The following ADGRV1 variants were observed in gnomAD, a reference collection of about 807,000 sequenced individuals.
ADGRV1 encodes G-protein coupled receptor 98.
In ADGRV1, 359 loss-of-function variants were observed where a neutral mutation model predicts 596.2. The ratio of observed to expected loss-of-function variants is 0.60; its 90% CI spans 0.55 to 0.66. The LOEUF (loss-of-function observed/expected upper bound fraction) is 0.66, where lower values mean the gene tolerates loss of function less well. ADGRV1 is among the 30% of genes least tolerant of loss of function. The pLI is 0.00. For synonymous variants in ADGRV1, 2,681 were observed against 2,679.2 expected (o/e 1.00, Z -0.02); for missense variants, 7,274 against 7,575.6 (o/e 0.96, Z 1.48).
chr5:90,791,214 A>G lies in ADGRV1; in HGVS notation c.14385A>G (p.Gly4795=). The G allele has an allele frequency of 6.2e-7, 1 of 1,613,876 alleles. No homozygotes were observed. The highest frequency in any genetic ancestry group is 8.5e-7 in the Non-Finnish European group (1 of 1,179,872). ...TAACCCGGCTTGCTGGAACATTTGGAGATGTGGCTGTTGGGCTTCGAATAT... is the reference window on the plus strand; with the variant it reads ...TAACCCGGCTTGCTGGAACATTTGGGGATGTGGCTGTTGGGCTTCGAATAT... ...INITRLAGTF[G]DVAVGLRISS... Residue 4795 remains glycine (G), a synonymous_variant, in exon 70 of 90, where the codon GGA becomes GGG. Transcript: ENST00000405460.
intron 83 of ADGRV1, among the ~76,000 whole-genome samples, chr5:90,878,051 A>C (rs896288165): frequency 1.3e-5 from 2 of 152,198 alleles, no homozygotes; most frequent in Non-Finnish European, 2.9e-5. Flanking sequence ...ATGCCACAGG[A>C]AAATATTTGT....
chr5:91,151,037 T>C (rs1796008537), intron 88 of ADGRV1, among the ~76,000 whole-genome samples: 1 of 152,200 alleles, frequency 6.6e-6, no homozygotes. Flanking sequence ...TTGCCCTCTT[T>C]ATATTAAGGA....
intron 76 of ADGRV1, among the ~76,000 whole-genome samples, chr5:90,828,339 A>AT (rs547736616): frequency 6.6e-6 from 1 of 151,758 alleles, no homozygotes. Context: ...TTGAAGATCC[A>AT]TTTTTTTCCC....
intron 85 of ADGRV1, among the ~76,000 whole-genome samples, chr5:90,997,149 A>T (rs1240632914): frequency 2.0e-5 from 3 of 152,112 alleles, no homozygotes; most frequent in Non-Finnish European, 4.4e-5. Context: ...TGAGGACATG[A>T]GATTTGGGAG....
intron 81 of ADGRV1, among the ~76,000 whole-genome samples, chr5:90,855,301 A>G (rs1217653093): frequency 3.3e-5 from 5 of 152,214 alleles, no homozygotes; most frequent in Admixed American, 1.3e-4. Context: ...AGATAACCAT[A>G]CAAGTAATTT....
intron 31 of ADGRV1, 194 bp downstream of exon 31, chr5:90,691,235 C>T (rs1746428431): frequency 5.5e-6 from 4 of 723,946 alleles, no homozygotes; most frequent in South Asian, 3.0e-5. Context: ...AGATTGTATA[C>T]ATATGCCAGT....
chr5:91,056,012 G>C (rs1038341790), intron 85 of ADGRV1, among the ~76,000 whole-genome samples: 3 of 152,206 alleles, frequency 2.0e-5, no homozygotes, highest in Non-Finnish European at 2.9e-5. Flanking sequence ...GGTTGTGGAA[G>C]CATTTTCCCT....
At chr5:90,959,782 G>C (rs949394294) in intron 83 of ADGRV1, among the ~76,000 whole-genome samples, 2 of 152,118 alleles carry the variant, frequency 1.3e-5, no homozygotes, top group Non-Finnish European at 1.5e-5. Context: ...AAACAAACTA[G>C]ACACAAAAGA....
intron 20 of ADGRV1, among the ~76,000 whole-genome samples, chr5:90,657,584 A>G (rs899140827): frequency 1.3e-5 from 2 of 152,168 alleles, no homozygotes; most frequent in Non-Finnish European, 2.9e-5. Flanking sequence ...GTGTGTATGT[A>G]TGTGTGTGTA....
intron 56 of ADGRV1, 146 bp downstream of exon 56, chr5:90,756,776 T>C: frequency 1.3e-6 from 1 of 796,178 alleles, no homozygotes; most frequent in South Asian, 2.1e-5. Context: ...TAGGTCTCTT[T>C]GGGCTAGACC....
intron 85 of ADGRV1, among the ~76,000 whole-genome samples, chr5:91,008,505 T>A (rs920113273): frequency 6.6e-6 from 1 of 152,132 alleles, no homozygotes; most frequent in African/African-American, 2.4e-5. Context: ...TAATTTTATT[T>A]ATTTTTTTAT....
In ADGRV1 at chr5:90,789,750, A is replaced by T; in HGVS notation, c.13942A>T (p.Thr4648Ser). The T allele has an allele frequency of 6.4e-7, 1 of 1,559,710 alleles. No individual in the cohort carries two copies. Among genetic ancestry groups the T allele is most frequent in the Non-Finnish European group, 8.7e-7 (1 of 1,149,582 alleles). ...TGGAGTTGTTCAGTTTGCTCCTGAA[A>T]CTTTGTCTAAGAAGACTTATTCAGA... The part of the protein sequence containing the change: ...PNGVVQFAPE[T>S]LSKKTYSEPL... The change falls in exon 69 of 90, where the codon ACT becomes TCT. Residue 4648 changes from threonine (T) to serine (S), a missense_variant. By Grantham distance (58) the Thr-to-Ser change is moderately conservative. Around this residue, in one of 5 missense-constraint regions of ADGRV1, gnomAD observed 3,643 missense variants for 3,809.2 expected, o/e 0.96. Coordinates refer to ENST00000405460, the MANE Select transcript of ADGRV1 (RefSeq NM_032119.4).
chr5:90,832,355 A>G lies in ADGRV1; in HGVS notation c.16611+3169A>G, dbSNP rs563008850. On this transcript the variant is annotated intron_variant, in intron 77 of 89. Coordinates refer to ENST00000405460, the MANE Select transcript of ADGRV1 (RefSeq NM_032119.4). ...ATTTGCATTTCTTTCATGATTAGTG[A>G]TGTTGAGCACCTTTTCTTATCCCTA... is the stretch of plus-strand genomic sequence containing the variant. Among the ~76,000 whole-genome samples, 23 of 152,274 alleles carry G rather than the reference A, an allele frequency of 1.5e-4. 1 individual carries two copies. The South Asian group carries it at 4.8e-3, about 32-fold the overall frequency.
chr5:91,163,743 AT>A (rs1797143586), intron 89 of ADGRV1, 38 bp from the exon 90 acceptor site: 2 of 827,022 alleles, frequency 2.4e-6, no homozygotes, highest in East Asian at 5.2e-5. Context: ...CACTGCACTA[AT>A]AGTTTGGATT....
chr5:91,149,179 A>T (rs1371007556), intron 87 of ADGRV1, among the ~76,000 whole-genome samples: 1 of 152,198 alleles, frequency 6.6e-6, no homozygotes, highest in Admixed American at 6.5e-5. Flanking sequence ...TTGGAAGGAC[A>T]TGATTGTGTT....
chr5:91,124,043 G>C (rs908103810), intron 87 of ADGRV1, among the ~76,000 whole-genome samples: 2 of 152,180 alleles, frequency 1.3e-5, no homozygotes, highest in Non-Finnish European at 2.9e-5. Flanking sequence ...TGAAACGTTT[G>C]AGAAGGCCAT....
At chr5:90,564,849 A>C (rs1287736061) in intron 1 of ADGRV1, among the ~76,000 whole-genome samples, 1 of 113,134 alleles carries the variant, frequency 8.8e-6, no homozygotes, top group Non-Finnish European at 1.8e-5. Context: ...GATGGTCTCG[A>C]TCTCCTGACC....
intron 71 of ADGRV1, among the ~76,000 whole-genome samples, chr5:90,803,241 G>A (rs1046662984): frequency 3.3e-5 from 5 of 152,108 alleles, no homozygotes; most frequent in African/African-American, 1.2e-4. Context: ...TTACAGGGGC[G>A]AGTTTGTCTT....
chr5:90,918,443 A>G (rs1244950580), intron 83 of ADGRV1, among the ~76,000 whole-genome samples: 2 of 152,214 alleles, frequency 1.3e-5, no homozygotes. Context: ...TATCTCTTGC[A>G]TCTTCTACAT....
Sources: allele counts gnomAD v4.1 joint callset (sites outside exome capture counted in the v4.1 genomes callset), GRCh38; gene constraint gnomAD v4.1.1; regional missense constraint gnomAD v4.1.1; transcripts MANE v1.5; gene names NCBI Gene and HGNC (gene_info 2026-07-23, HGNC 2026-07-21).